The following FRMPD4 variants were observed in gnomAD, a reference collection of about 807,000 sequenced individuals.
FRMPD4 encodes the protein FERM and PDZ domain containing 4, also known as FERM and PDZ domain-containing protein 4.
Under a neutral mutation model 94.1 loss-of-function variants are expected in FRMPD4, and 22 were observed. The observed-to-expected ratio is 0.23, with a 90% CI of 0.17 to 0.33. The LOEUF is 0.33. Among genes scored for constraint, FRMPD4 ranks in the 10% least tolerant of loss-of-function variants. FRMPD4 has a pLI of 1.00. For missense variants in FRMPD4, 1,111 were observed against 1,339.9 expected (o/e 0.83, Z 2.67); for synonymous variants, 631 against 548.6 (o/e 1.15, Z -2.10).
chrX:12,718,444 C>A lies in FRMPD4; in HGVS notation c.3618C>A (p.Gly1206=), dbSNP rs760424463. 2 of 1,207,432 alleles carry A rather than the reference C, an allele frequency of 1.7e-6. No homozygotes were observed. The highest frequency in any genetic ancestry group is 2.2e-6 in the Non-Finnish European group (2 of 892,519). The change falls in exon 16 of 17, where the codon GGC becomes GGA. Residue 1206 remains glycine (G), a synonymous_variant. Coordinates refer to ENST00000675598, the MANE Select transcript of FRMPD4 (RefSeq NM_001368397.1). The part of the protein sequence containing the change: ...AKRMSSLQSE[G]HFSLQSSQGS... ...GGATGTCATCACTGCAAAGCGAGGGCCATTTTTCTCTGCAGAGCTCCCAAG... is the reference window on the plus strand; with the variant it reads ...GGATGTCATCACTGCAAAGCGAGGGACATTTTTCTCTGCAGAGCTCCCAAG...
At chrX:12,448,571 C>T (rs765170008) in intron 1 of FRMPD4, among the ~76,000 whole-genome samples, 5 of 112,204 alleles carry the variant, frequency 4.5e-5, no homozygotes, top group East Asian at 2.8e-4. Flanking sequence ...AAGAAAATAA[C>T]ATTCCTGGCA....
intron 3 of FRMPD4, among the ~76,000 whole-genome samples, chrX:12,033,265 G>T (rs1357933264): frequency 9.0e-6 from 1 of 111,437 alleles, no homozygotes; most frequent in Non-Finnish European, 1.9e-5. Flanking sequence ...AGAGGTGAGG[G>T]TGATGGATCT....
chrX:11,841,900 A>C (rs1404898475), intron 1 of FRMPD4, among the ~76,000 whole-genome samples: 1 of 110,297 alleles, frequency 9.1e-6, no homozygotes, highest in African/African-American at 3.3e-5. Context: ...TTAAGTCTTT[A>C]ATCCATCTTG....
chrX:12,096,674 C>A (rs1311906603), intron 3 of FRMPD4, among the ~76,000 whole-genome samples: 1 of 111,461 alleles, frequency 9.0e-6, no homozygotes, highest in Non-Finnish European at 1.9e-5. Context: ...TACTTGAGCC[C>A]AGGAGTTTGA....
At chrX:12,107,462 G>A (rs1262262140) in intron 3 of FRMPD4, among the ~76,000 whole-genome samples, 1 of 112,005 alleles carries the variant, frequency 8.9e-6, no homozygotes, top group Admixed American at 9.5e-5. Context: ...AACAGAGCAG[G>A]AAAGCTGAAG....
At chrX:12,255,809 T>C (rs777769383) in intron 1 of FRMPD4, among the ~76,000 whole-genome samples, 14 of 111,927 alleles carry the variant, frequency 1.3e-4, no homozygotes, top group African/African-American at 1.6e-4. Flanking sequence ...AAAGTGGCCA[T>C]ACTATAAATG....
chrX:12,240,035 T>C (rs1461509011), intron 1 of FRMPD4, among the ~76,000 whole-genome samples: 1 of 112,444 alleles, frequency 8.9e-6, no homozygotes, highest in Non-Finnish European at 1.9e-5. Context: ...TTTTATAATG[T>C]TTACAATAAC....
chrX:12,432,961 A>C (rs1375837483), intron 1 of FRMPD4, among the ~76,000 whole-genome samples: 1 of 112,670 alleles, frequency 8.9e-6, no homozygotes, highest in Non-Finnish European at 1.9e-5. Context: ...GAATGCAAAA[A>C]GTAGCCATAG....
chrX:12,460,834 A>C (rs1404061303), intron 1 of FRMPD4, among the ~76,000 whole-genome samples: 3 of 111,912 alleles, frequency 2.7e-5, no homozygotes, highest in Non-Finnish European at 5.6e-5. Flanking sequence ...CAATTACTAA[A>C]ATGAAATAAA....
chrX:12,401,269 T>C (rs1476679939), intron 1 of FRMPD4, among the ~76,000 whole-genome samples: 2 of 110,398 alleles, frequency 1.8e-5, no homozygotes, highest in Middle Eastern at 4.7e-3. Flanking sequence ...TCTCCCTCTC[T>C]CTCTTCCTTT....
chrX:12,210,515 A>G (rs1336231100), intron 1 of FRMPD4, among the ~76,000 whole-genome samples: 1 of 111,678 alleles, frequency 9.0e-6, no homozygotes, highest in African/African-American at 3.3e-5. Flanking sequence ...ATCTCCCCTG[A>G]TGAGGAGGGT....
At chrX:11,910,717 A>G (rs948746725) in intron 3 of FRMPD4, among the ~76,000 whole-genome samples, 4 of 112,100 alleles carry the variant, frequency 3.6e-5, no homozygotes, top group African/African-American at 1.3e-4. Context: ...TGCCTAGCCA[A>G]TGACTGCATT....
At chrX:12,417,780 C>T (rs1295130186) in intron 1 of FRMPD4, among the ~76,000 whole-genome samples, 4 of 107,579 alleles carry the variant, frequency 3.7e-5, no homozygotes, top group East Asian at 2.9e-4. Context: ...GAGGCCGAGG[C>T]GGGCGGATCA....
At chrX:12,710,001 G>T (rs2041953030) in intron 13 of FRMPD4, among the ~76,000 whole-genome samples, 1 of 110,935 alleles carries the variant, frequency 9.0e-6, no homozygotes, top group Non-Finnish European at 1.9e-5. Context: ...GGTGGTGCAT[G>T]CCTGTGATCC....
intron 8 of FRMPD4, among the ~76,000 whole-genome samples, chrX:12,691,293 G>GTTTTGTTTTGT (rs750081864): frequency 5.6e-4 from 61 of 109,035 alleles, no homozygotes; most frequent in African/African-American, 2.0e-3. Flanking sequence ...GTTTTGTTTT[G>GTTTTGTTTTGT]TTTTTTTGAG....
At chrX:12,097,644 T>G (rs1054408094) in intron 3 of FRMPD4, among the ~76,000 whole-genome samples, 3 of 112,520 alleles carry the variant, frequency 2.7e-5, no homozygotes, top group African/African-American at 9.7e-5. Flanking sequence ...GAACATTTTA[T>G]GTAAATAGAA....
At chrX:12,290,477 G>C (rs946117166) in intron 1 of FRMPD4, among the ~76,000 whole-genome samples, 2 of 112,063 alleles carry the variant, frequency 1.8e-5, no homozygotes, top group Non-Finnish European at 3.8e-5. Context: ...ACTATCTAAA[G>C]TGCCTAGTGC....
chrX:12,383,448 CAG>C (rs777169606), intron 1 of FRMPD4, among the ~76,000 whole-genome samples: 46 of 111,475 alleles, frequency 4.1e-4, no homozygotes, highest in African/African-American at 1.4e-3. Context: ...CCCCTCCCAT[CAG>C]AGAAACATCT....
chrX:12,270,841 T>C (rs59094900), intron 1 of FRMPD4, among the ~76,000 whole-genome samples: 2,294 of 111,692 alleles, frequency 0.021, 64 homozygotes, highest in African/African-American at 0.071. Context: ...GTTAATAGTA[T>C]TGCAGCAGTG....
Sources: allele counts gnomAD v4.1 joint callset (sites outside exome capture counted in the v4.1 genomes callset), GRCh38; gene constraint gnomAD v4.1.1; transcripts MANE v1.5; gene names NCBI Gene and HGNC (gene_info 2026-07-23, HGNC 2026-07-21).